Variants in JARID2 observed in about 807,000 individuals in gnomAD.
The protein encoded by JARID2 is protein Jumonji.
JARID2 carries 21 observed loss-of-function variants against 125.6 expected under a neutral mutation model. That is an observed-to-expected ratio of 0.17 (90% confidence interval 0.12 to 0.24). The LOEUF is 0.24. JARID2 is among the 10% of genes least tolerant of loss of function. The pLI, the probability that JARID2 is intolerant of heterozygous loss-of-function variation, is 1.00. For synonymous variants in JARID2, 736 were observed against 661.6 expected, an observed-to-expected ratio of 1.11 and a Z score of -1.73; for missense variants, 1,303 against 1,639.6, an observed-to-expected ratio of 0.79 and a Z score of 3.55.
At chr6:15,301,158 A>AG (rs1761610622) in intron 1 of JARID2, among the ~76,000 whole-genome samples, 1 of 152,240 alleles carries the variant, frequency 6.6e-6, no homozygotes, top group Non-Finnish European at 1.5e-5. Context: ...AAAATTCCAA[A>AG]GGAACAGCAA....
intron 4 of JARID2, among the ~76,000 whole-genome samples, chr6:15,458,641 T>C (rs2127655734): frequency 6.6e-6 from 1 of 152,204 alleles, no homozygotes; most frequent in Admixed American, 6.5e-5. Flanking sequence ...TGGGTGAAAT[T>C]GAGGATATAA....
At chr6:15,426,868 A>G (rs934035722) in intron 3 of JARID2, among the ~76,000 whole-genome samples, 9 of 152,196 alleles carry the variant, frequency 5.9e-5, no homozygotes, top group South Asian at 2.1e-4. Flanking sequence ...TATTTATAGT[A>G]TACATTTACA....
chr6:15,517,049 T>C, intron 16 of JARID2, 112 bp from the exon 17 acceptor site: 2 of 738,816 alleles, frequency 2.7e-6, no homozygotes, highest in Non-Finnish European at 4.8e-6. Context: ...GGGGCTACTC[T>C]GGCGCGGGCA....
Position 15,456,878 on chromosome 6 carries a change from CTTTT to C in JARID2, c.493+4720_493+4723del, listed in dbSNP as rs71535043. On this transcript the variant is annotated intron_variant, in intron 4 of 17. Coordinates refer to ENST00000341776, the MANE Select transcript of JARID2 (RefSeq NM_004973.4). Reference sequence around the variant, plus strand: ...AATTTAAGAAAAACAGGATGTTAAGCTTTTTTTTTTTTTTTTTTTTACAATCATA... The same window carrying C: ...AATTTAAGAAAAACAGGATGTTAAGCTTTTTTTTTTTTTTTTACAATCATA... Among the ~76,000 whole-genome samples, 43 of 95,676 alleles carry C rather than the reference CTTTT, an allele frequency of 4.5e-4. No homozygotes were observed. In the East Asian group the frequency reaches 0.014, roughly 31 times the overall value. The allele number at this position is 95,676 out of a possible 152,430, so 62.8% of individuals were successfully genotyped here.
chr6:15,406,885 T>A (rs1765671731), intron 2 of JARID2, among the ~76,000 whole-genome samples: 1 of 152,224 alleles, frequency 6.6e-6, no homozygotes, highest in Non-Finnish European at 1.5e-5. Context: ...TTTTTGTCTC[T>A]ATTTGTCACG....
At chr6:15,458,758 C>G in intron 4 of JARID2, among the ~76,000 whole-genome samples, 1 of 152,284 alleles carries the variant, frequency 6.6e-6, no homozygotes, top group South Asian at 2.1e-4. Context: ...TGCGGGTCTC[C>G]GCGTTACAGT....
Position 15,351,780 on chromosome 6 carries a change from G to A in JARID2, c.46-22337G>A, listed in dbSNP as rs186640820. On this transcript the variant is annotated intron_variant, in intron 1 of 17. Transcript: ENST00000341776. ...CACTTTTGTGCAGCCTTATAAAATG[G>A]GATGTTTTGGCATCTGTAGCTGCTT... 2.3e-3 allele frequency among the ~76,000 whole-genome samples: 351 copies of A among 152,156 alleles called. 4 individuals are homozygous for A. The highest frequency in any genetic ancestry group is 8.0e-3 in the African/African-American group (334 of 41,506).
chr6:15,288,335 A>G (rs1761078967), intron 1 of JARID2, among the ~76,000 whole-genome samples: 1 of 151,830 alleles, frequency 6.6e-6, no homozygotes, highest in South Asian at 2.1e-4. Flanking sequence ...ATGCCACACA[A>G]TTTTTAAACA....
chr6:15,331,483 A>G (rs907313240), intron 1 of JARID2, among the ~76,000 whole-genome samples: 7 of 152,186 alleles, frequency 4.6e-5, no homozygotes, highest in African/African-American at 1.7e-4. Flanking sequence ...TGAATGGGGA[A>G]TTCACAACAT....
chr6:15,265,890 G>T (rs1760065282), intron 1 of JARID2, among the ~76,000 whole-genome samples: 1 of 152,070 alleles, frequency 6.6e-6, no homozygotes, highest in Non-Finnish European at 1.5e-5. Context: ...CTGCCTCATG[G>T]AAACTGGAGG....
chr6:15,250,660 G>A (rs1759410584), intron 1 of JARID2, among the ~76,000 whole-genome samples: 2 of 152,150 alleles, frequency 1.3e-5, no homozygotes, highest in Non-Finnish European at 2.9e-5. Context: ...TTTACAGTAG[G>A]CTAATACCTA....
chr6:15,398,065 T>C (rs1369635114), intron 2 of JARID2, among the ~76,000 whole-genome samples: 2 of 152,200 alleles, frequency 1.3e-5, no homozygotes, highest in African/African-American at 2.4e-5. Flanking sequence ...CCAATTCCCA[T>C]TGGAACCTGT....
At chr6:15,272,626 C>A (rs1462779785) in intron 1 of JARID2, among the ~76,000 whole-genome samples, 1 of 152,204 alleles carries the variant, frequency 6.6e-6, no homozygotes, top group East Asian at 1.9e-4. Flanking sequence ...GACCCCCCTA[C>A]CACTACTTGA....
chr6:15,368,593 C>G, intron 1 of JARID2: 1 of 380,596 alleles, frequency 2.6e-6, no homozygotes, highest in Non-Finnish European at 5.3e-6. Flanking sequence ...AGTTGAGTAA[C>G]CAAAAGAGAA....
intron 5 of JARID2, among the ~76,000 whole-genome samples, 174 bp downstream of exon 5, chr6:15,468,892 G>GT: frequency 6.6e-6 from 1 of 152,306 alleles, no homozygotes; most frequent in African/African-American, 2.4e-5. Flanking sequence ...GTAGTCCAGG[G>GT]TGTTCTAGGT....
chr6:15,317,309 C>G (rs150745531), intron 1 of JARID2, among the ~76,000 whole-genome samples: 90 of 152,182 alleles, frequency 5.9e-4, no homozygotes, highest in African/African-American at 1.6e-3. Context: ...CAGGAAAATG[C>G]AAGTCTCATT....
chr6:15,272,411 C>G (rs1212965990), intron 1 of JARID2, among the ~76,000 whole-genome samples: 2 of 152,188 alleles, frequency 1.3e-5, no homozygotes, highest in East Asian at 3.9e-4. Context: ...GGTTTCTATC[C>G]TGAACTCACC....
chr6:15,512,126 T>G, intron 13 of JARID2, 82 bp from the exon 14 acceptor site: 1 of 1,183,406 alleles, frequency 8.5e-7, no homozygotes, highest in Non-Finnish European at 1.2e-6. Flanking sequence ...GCAGGCCTCT[T>G]AGGGTGCGCA....
intron 3 of JARID2, among the ~76,000 whole-genome samples, chr6:15,419,906 G>C (rs143277428): frequency 2.3e-4 from 35 of 152,214 alleles, no homozygotes; most frequent in Admixed American, 5.9e-4. Flanking sequence ...CATTTACTAT[G>C]GAAAAATTAG....
Sources: gnomAD v4.1 joint callset for allele counts (sites outside exome capture counted in the v4.1 genomes callset) on GRCh38, gnomAD v4.1.1 for gene constraint, MANE v1.5 for transcripts, NCBI Gene and HGNC (gene_info 2026-07-23, HGNC 2026-07-21) for gene names.